The following SDK2 variants were observed in gnomAD, a reference collection of about 807,000 sequenced individuals.
SDK2 encodes the protein sidekick cell adhesion molecule 2.
Under a neutral mutation model 253.9 loss-of-function variants are expected in SDK2, and 105 were observed. The ratio of observed to expected loss-of-function variants is 0.41; its 90% CI spans 0.35 to 0.49. The LOEUF (loss-of-function observed/expected upper bound fraction) is 0.49, where lower values mean the gene tolerates loss of function less well. SDK2 is among the 20% of genes least tolerant of loss of function. The pLI, the probability that SDK2 is intolerant of heterozygous loss-of-function variation, is 0.06. For missense variants in SDK2, 2,608 were observed against 3,003.0 expected (o/e 0.87, Z 3.07); for synonymous variants, 1,249 against 1,234.9 (o/e 1.01, Z -0.24).
At chr17:73,483,681 ATTTATATATATATATATATATATATAT>A (rs1567799309) in intron 2 of SDK2, among the ~76,000 whole-genome samples, 1 of 55,552 alleles carries the variant, frequency 1.8e-5, no homozygotes, top group African/African-American at 6.5e-5. Context: ...ATATATATAT[ATTTATATATATATATATATATATATAT>A]TTTTTTTTTT....
intron 39 of SDK2, among the ~76,000 whole-genome samples, chr17:73,360,207 A>G (rs1225214121): frequency 6.6e-6 from 1 of 152,218 alleles, no homozygotes; most frequent in Non-Finnish European, 1.5e-5. Context: ...ATGAAAGGAC[A>G]GCGGCTGGGT....
chr17:73,390,503 C>T lies in SDK2; in HGVS notation c.3998-22G>A, dbSNP rs200029772. The T allele has an allele frequency of 1.5e-4, 241 of 1,594,684 alleles. 1 individual carries two copies. In the East Asian group the frequency reaches 5.4e-3, roughly 36 times the overall value. The stretch of plus-strand genomic sequence containing the variant: ...TAAGCTGTGGGAAGGAAGCACATGG[C>T]TATTATGGCAAGCAAGGCAAGCCGC... On this transcript the variant is annotated intron_variant, in intron 28 of 44. Transcript: ENST00000392650.
At chr17:73,399,068 C>A in intron 22 of SDK2, 100 bp downstream of exon 22, 1 of 1,219,710 alleles carries the variant, frequency 8.2e-7, no homozygotes, top group Admixed American at 2.2e-5. Flanking sequence ...GAGAGCTGCA[C>A]ATGAAAATTC....
rs1477960079 is a variant in SDK2 at position 73,379,333 on chromosome 17, C to T, written c.4865-41G>A. 1.3e-6 allele frequency: 2 copies of T among 1,502,116 alleles called. No homozygotes were observed. Among genetic ancestry groups the T allele is most frequent in the Non-Finnish European group, 1.8e-6 (2 of 1,101,844 alleles). The allele number at this position is 1,502,116 out of a possible 1,614,324, so 93.0% of individuals were successfully genotyped here. ...GGTAGGCAGTGAGCATGCGAGTAAACCTGGGAGGGGAGGTGGGCTGGGCGG... is the reference window on the plus strand; with the variant it reads ...GGTAGGCAGTGAGCATGCGAGTAAATCTGGGAGGGGAGGTGGGCTGGGCGG... On this transcript the variant is annotated intron_variant, in intron 35 of 44. Coordinates refer to ENST00000392650, the MANE Select transcript of SDK2 (RefSeq NM_001144952.2). The surrounding 1 kb of genome is among the most constrained non-coding windows in gnomAD (Gnocchi z 4.5).
At chr17:73,451,190 A>C (rs72844140) in intron 4 of SDK2, among the ~76,000 whole-genome samples, 3,296 of 151,852 alleles carry the variant, frequency 0.022, 53 homozygotes, top group Middle Eastern at 0.071. Context: ...TGATGGCAAA[A>C]CTCCTGCCTC....
chr17:73,581,255 A>C (rs1381470860), intron 1 of SDK2, among the ~76,000 whole-genome samples: 1 of 152,042 alleles, frequency 6.6e-6, no homozygotes, highest in East Asian at 1.9e-4. Flanking sequence ...TGGTCTTTCA[A>C]ACACAGACTC....
At chr17:73,539,515 T>TG (rs963696728) in intron 1 of SDK2, among the ~76,000 whole-genome samples, 3 of 53,324 alleles carry the variant, frequency 5.6e-5, no homozygotes, top group African/African-American at 2.2e-4. Context: ...TGGGGGGTGG[T>TG]GGGGGGCAAA....
chr17:73,600,996 C>A (rs1054533219), intron 1 of SDK2, among the ~76,000 whole-genome samples: 6 of 151,356 alleles, frequency 4.0e-5, no homozygotes, highest in African/African-American at 1.5e-4. Flanking sequence ...TATGAATGAT[C>A]TTTTCATTTT....
chr17:73,533,144 A>AG (rs2064183482), intron 1 of SDK2, among the ~76,000 whole-genome samples: 1 of 152,088 alleles, frequency 6.6e-6, no homozygotes, highest in South Asian at 2.1e-4. Context: ...CGCTCCATCA[A>AG]GCAAGGCCCA....
At chr17:73,448,835 A>AT (rs774968221) in intron 4 of SDK2, among the ~76,000 whole-genome samples, 10 of 151,392 alleles carry the variant, frequency 6.6e-5, no homozygotes, top group Non-Finnish European at 1.5e-4. Context: ...TAATTCTTAT[A>AT]TTTTTAGTAA....
intron 44 of SDK2, among the ~76,000 whole-genome samples, chr17:73,344,029 C>A (rs1259356371): frequency 6.6e-6 from 1 of 152,152 alleles, no homozygotes; most frequent in African/African-American, 2.4e-5. Flanking sequence ...CCCCTGGATG[C>A]CTCTACCCGG....
rs1020451011 is a variant in SDK2 at position 73,424,102 on chromosome 17, A to G, written c.1584-10T>C. 1.2e-6 allele frequency: 2 copies of G among 1,608,240 alleles called. No individual in the cohort carries two copies. Among genetic ancestry groups the G allele is most frequent in the African/African-American group, 2.7e-5 (2 of 74,902 alleles). On this transcript the variant is annotated splice_polypyrimidine_tract_variant and intron_variant, in intron 12 of 44. Coordinates refer to ENST00000392650, the MANE Select transcript of SDK2 (RefSeq NM_001144952.2). ...CTTCTCCCAGATGTACCTAAAAGTA[A>G]GAAGAACCCGTAAGTACAGAGGGAG...
At chr17:73,577,327 C>G (rs548706932) in intron 1 of SDK2, among the ~76,000 whole-genome samples, 16 of 152,324 alleles carry the variant, frequency 1.1e-4, no homozygotes, top group African/African-American at 3.4e-4. Context: ...GGACCAATCC[C>G]AGTTATTCAT....
chr17:73,474,092 C>A (rs922783173), intron 2 of SDK2, among the ~76,000 whole-genome samples: 1 of 152,154 alleles, frequency 6.6e-6, no homozygotes, highest in Admixed American at 6.5e-5. Flanking sequence ...GTCTTGAATT[C>A]TTTGGCACAA....
Position 73,399,272 on chromosome 17 carries a change from T to A in SDK2, c.2989A>T (p.Thr997Ser). ...CCGATGTTGGAAATGCCCAGGTTGGTGGGGGGCCCTGGGAGTTCTGGAAAA... is the reference window on the plus strand; with the variant it reads ...CCGATGTTGGAAATGCCCAGGTTGGAGGGGGGCCCTGGGAGTTCTGGAAAA... Reference protein sequence around the residue: ...GVPPELPGPPTNLGISNIGPR... With the variant: ...GVPPELPGPPSNLGISNIGPR... The change falls in exon 22 of 45, where the codon ACC becomes TCC. Residue 997 changes from threonine to serine, a missense_variant. Physicochemically the swap from Thr to Ser is moderately conservative, Grantham distance 58. This residue lies in a region of SDK2 where 1,505 missense variants were observed against 1,859.1 expected (regional missense o/e 0.81). Transcript: ENST00000392650. 1 of 1,613,376 alleles carries A rather than the reference T, an allele frequency of 6.2e-7. No homozygotes were observed.
intron 1 of SDK2, chr17:73,520,005 C>T (rs1345348165): frequency 6.6e-6 from 1 of 152,254 alleles, no homozygotes; most frequent in African/African-American, 2.4e-5. Context: ...CTGGCAGGCA[C>T]CTCTGTGCTT....
At position 73,616,806 on chromosome 17, in the gene SDK2, A is replaced by T. The variant is rs1227898935; in HGVS notation, c.64+27219T>A. Among the ~76,000 whole-genome samples the T allele has an allele frequency of 6.6e-6, 1 of 152,164 alleles. No individual in the cohort carries two copies. Among genetic ancestry groups the T allele is most frequent in the African/African-American group, 2.4e-5 (1 of 41,452 alleles). ...CTGCACTGTGCGCATTCCCACCATG[A>T]GATGCCTGGGGAAGGGGTCAGATTC... On this transcript the variant is annotated intron_variant, in intron 1 of 44. Transcript: ENST00000392650. This position sits in a 1 kb window ranked among gnomAD's most constrained non-coding sequence, Gnocchi z 5.2.
At chr17:73,489,333 G>A (rs1356429717) in intron 2 of SDK2, among the ~76,000 whole-genome samples, 1 of 152,108 alleles carries the variant, frequency 6.6e-6, no homozygotes, top group Non-Finnish European at 1.5e-5. Context: ...CAAATCCCAG[G>A]GACCTTAAGG....
intron 1 of SDK2, among the ~76,000 whole-genome samples, chr17:73,577,223 C>T (rs772729784): frequency 1.6e-4 from 25 of 152,184 alleles, no homozygotes; most frequent in African/African-American, 4.3e-4. Flanking sequence ...TACTGTTAGC[C>T]GAGGTTTAGG....
Sources: gnomAD v4.1 joint callset for allele counts (sites outside exome capture counted in the v4.1 genomes callset) on GRCh38, gnomAD v4.1.1 for gene constraint, gnomAD v4.1.1 regional missense constraint, Gnocchi (gnomAD v3.1) non-coding constraint, MANE v1.5 for transcripts, NCBI Gene and HGNC (gene_info 2026-07-23, HGNC 2026-07-21) for gene names.